The following TANGO6 variants were observed in gnomAD, a reference collection of about 807,000 sequenced individuals.
TANGO6 encodes transport and Golgi organization protein 6 homolog.
Under a neutral mutation model 114.2 loss-of-function variants are expected in TANGO6, and 90 were observed. That is an observed-to-expected ratio of 0.79 (90% CI 0.66 to 0.94). The LOEUF is 0.94. Among genes scored for constraint, TANGO6 ranks in the 40% least tolerant of loss-of-function variants. The probability of loss-of-function intolerance (pLI) is 0.00; values close to 1 mark genes in which losing one functional copy is unlikely to be tolerated. For missense variants in TANGO6, 1,274 were observed against 1,315.3 expected (o/e 0.97, Z 0.49); for synonymous variants, 477 against 509.8 (o/e 0.94, Z 0.87).
intron 1 of TANGO6, among the ~76,000 whole-genome samples, chr16:68,857,246 A>G (rs1471354018): frequency 6.6e-6 from 1 of 152,196 alleles, no homozygotes; most frequent in African/African-American, 2.4e-5. Flanking sequence ...TTGGAATTAT[A>G]CAGAATACAG....
chr16:68,955,419 A>G (rs1372280893), intron 14 of TANGO6, among the ~76,000 whole-genome samples: 1 of 152,214 alleles, frequency 6.6e-6, no homozygotes, highest in East Asian at 1.9e-4. Context: ...CAGGGGACAT[A>G]CAAGGAAAAT....
At position 68,887,500 on chromosome 16, in the gene TANGO6, T is replaced by G. The variant is rs116704690; in HGVS notation, c.1377+6870T>G. ...ACCAAAAAACTACTCAAAAAGGGCA[T>G]AAGAATTTGAAAAGCAAAGTTTGTT... is the stretch of plus-strand genomic sequence containing the variant. On this transcript the variant is annotated intron_variant, in intron 7 of 17. Transcript: ENST00000261778. 9.1e-3 allele frequency among the ~76,000 whole-genome samples: 1,387 copies of G among 152,204 alleles called. 19 individuals are homozygous for G. Among genetic ancestry groups the G allele is most frequent in the African/African-American group, 0.031 (1,303 of 41,522 alleles).
intron 4 of TANGO6, among the ~76,000 whole-genome samples, chr16:68,873,793 G>A (rs1313694337): frequency 6.6e-6 from 1 of 152,100 alleles, no homozygotes; most frequent in Non-Finnish European, 1.5e-5. Flanking sequence ...CTTTGTTCTG[G>A]AATGCAGTTA....
chr16:69,048,371 G>A (rs919213335), intron 17 of TANGO6, among the ~76,000 whole-genome samples: 3 of 149,548 alleles, frequency 2.0e-5, no homozygotes, highest in African/African-American at 5.0e-5. Context: ...CAAAGTGCCA[G>A]GATTACAGGC....
chr16:69,062,576 G>A (rs1456609738), intron 17 of TANGO6, among the ~76,000 whole-genome samples: 9 of 151,536 alleles, frequency 5.9e-5, no homozygotes, highest in Non-Finnish European at 1.2e-4. Flanking sequence ...GGGTTCAAGC[G>A]ATTCTCCTGC....
intron 4 of TANGO6, among the ~76,000 whole-genome samples, chr16:68,872,993 G>A (rs1346560877): frequency 6.6e-6 from 1 of 151,740 alleles, no homozygotes; most frequent in African/African-American, 2.4e-5. Context: ...GTGAGCCACC[G>A]CACCCGGCCA....
intron 17 of TANGO6, among the ~76,000 whole-genome samples, chr16:69,055,316 C>G (rs1223635776): frequency 6.6e-6 from 1 of 152,194 alleles, no homozygotes; most frequent in Non-Finnish European, 1.5e-5. Flanking sequence ...GGGTCAGCGA[C>G]TCAGAATCAC....
chr16:68,845,342 CAT>C (rs973107251), intron 1 of TANGO6, among the ~76,000 whole-genome samples: 5 of 152,106 alleles, frequency 3.3e-5, no homozygotes, highest in Non-Finnish European at 7.3e-5. Flanking sequence ...TGTTATGAAA[CAT>C]GTATATTATG....
rs570474459 is a variant in TANGO6 at position 69,038,580 on chromosome 16, T to C, written c.2995-1728T>C. On this transcript the variant is annotated intron_variant, in intron 16 of 17. Coordinates refer to ENST00000261778, the MANE Select transcript of TANGO6 (RefSeq NM_024562.2). ...AAAGGTTTGTTGTCATTCTTGTTAA[T>C]TGTATCTCTTCATTGAGATTTTAAA... Among the ~76,000 whole-genome samples, 5 of 152,356 alleles carry C rather than the reference T, an allele frequency of 3.3e-5. No homozygotes were observed. In the South Asian group the frequency reaches 1.0e-3, roughly 32 times the overall value.
In TANGO6 at chr16:69,054,940, C is replaced by CAA. The variant is rs35840863; in HGVS notation, c.3108+14542_3108+14543dup. On this transcript the variant is annotated intron_variant, in intron 17 of 17. Transcript: ENST00000261778. ...TGGGTGACACAGCGAGACTCCGTCT[C>CAA]AAAAAAAAAAAAAAAAAAAAAAAAC... 2.3e-3 allele frequency among the ~76,000 whole-genome samples: 161 copies of CAA among 68,632 alleles called. 1 individual carries two copies. Among genetic ancestry groups the CAA allele is most frequent in the Non-Finnish European group, 2.9e-3 (109 of 38,172 alleles). The allele number at this position is 68,632 out of a possible 152,430, so 45.0% of individuals were successfully genotyped here.
chr16:68,976,622 T>C (rs1002339568), intron 15 of TANGO6, among the ~76,000 whole-genome samples: 6 of 152,182 alleles, frequency 3.9e-5, no homozygotes, highest in African/African-American at 1.4e-4. Flanking sequence ...GACTTAACCA[T>C]TAGCTGTCAC....
intron 3 of TANGO6, among the ~76,000 whole-genome samples, chr16:68,865,013 C>G (rs546995448): frequency 2.6e-5 from 4 of 151,338 alleles, no homozygotes; most frequent in Non-Finnish European, 3.0e-5. Context: ...CGTGGTGGCT[C>G]ACCCCTGTAA....
chr16:69,045,697 C>T (rs766769879), intron 17 of TANGO6, among the ~76,000 whole-genome samples: 6 of 150,912 alleles, frequency 4.0e-5, no homozygotes, highest in Non-Finnish European at 7.4e-5. Context: ...GAGCTGAGAC[C>T]GTGCCACTGC....
rs574377398 is a variant in TANGO6 at position 68,847,915 on chromosome 16, G to A, written c.94+4204G>A. 2.0e-5 allele frequency among the ~76,000 whole-genome samples: 3 copies of A among 149,004 alleles called. No individual in the cohort carries two copies. In the South Asian group the frequency reaches 6.3e-4, roughly 31 times the overall value. ...CTCGGGAGGCTGAGGCAGGAGAATC[G>A]CTTGAACCCAGGAGGCAGAGGTTGC... On this transcript the variant is annotated intron_variant, in intron 1 of 17. Transcript: ENST00000261778.
At position 68,865,256 on chromosome 16, in the gene TANGO6, A is replaced by G. The variant is rs9936133; in HGVS notation, c.853-1823A>G. ...GCGCCACTGCACTCCAGCCTGGGCTACTGAGCGAGACTCCGTCTCAAAAAA... is the reference window on the plus strand; with the variant it reads ...GCGCCACTGCACTCCAGCCTGGGCTGCTGAGCGAGACTCCGTCTCAAAAAA... On this transcript the variant is annotated intron_variant, in intron 3 of 17. Transcript: ENST00000261778. Among the ~76,000 whole-genome samples, 611 of 150,130 alleles carry G rather than the reference A, an allele frequency of 4.1e-3. 4 individuals are homozygous for G. Among genetic ancestry groups the G allele is most frequent in the African/African-American group, 0.014 (579 of 40,554 alleles).
At chr16:68,978,795 A>G (rs561136075) in intron 15 of TANGO6, among the ~76,000 whole-genome samples, 33 of 151,900 alleles carry the variant, frequency 2.2e-4, no homozygotes, top group Admixed American at 7.2e-4. Context: ...ACATCATGCT[A>G]GTTCCCTAGC....
chr16:68,981,913 C>G (rs1316147283), intron 15 of TANGO6, among the ~76,000 whole-genome samples: 1 of 152,158 alleles, frequency 6.6e-6, no homozygotes, highest in Non-Finnish European at 1.5e-5. Flanking sequence ...CTGAAAAACC[C>G]CAAAGCATTT....
At chr16:68,924,101 AG>A (rs1963133769) in intron 12 of TANGO6, among the ~76,000 whole-genome samples, 1 of 152,248 alleles carries the variant, frequency 6.6e-6, no homozygotes, top group Non-Finnish European at 1.5e-5. Context: ...TGGCTAAAAA[AG>A]CCCTTACTTG....
intron 17 of TANGO6, among the ~76,000 whole-genome samples, chr16:69,082,256 A>G (rs1405063089): frequency 1.3e-5 from 2 of 151,030 alleles, no homozygotes; most frequent in African/African-American, 4.9e-5. Context: ...AAGTGCTGGG[A>G]CTACAAATGG....
Sources: allele counts gnomAD v4.1 joint callset (sites outside exome capture counted in the v4.1 genomes callset), GRCh38; gene constraint gnomAD v4.1.1; transcripts MANE v1.5; gene names NCBI Gene and HGNC (gene_info 2026-07-23, HGNC 2026-07-21).